Variants in CASR observed in about 807,000 individuals in gnomAD.
CASR encodes the protein extracellular calcium-sensing receptor.
Under a neutral mutation model 69.1 loss-of-function variants are expected in CASR, and 23 were observed. The observed-to-expected ratio is 0.33, with a 90% CI of 0.24 to 0.47. CASR has a LOEUF of 0.47. Ranked by LOEUF, CASR falls within the 20% of genes least tolerant of loss-of-function variation. CASR has a pLI of 1.00. For synonymous variants in CASR, 541 were observed against 544.7 expected, an observed-to-expected ratio of 0.99 and a Z score of 0.10; for missense variants, 924 against 1,356.1, an observed-to-expected ratio of 0.68 and a Z score of 5.00.
chr3:122,258,979 A>C (rs953177492), intron 3 of CASR, among the ~76,000 whole-genome samples: 1 of 152,060 alleles, frequency 6.6e-6, no homozygotes, highest in Non-Finnish European at 1.5e-5. Flanking sequence ...TATGCCAGCC[A>C]CGCCACCAAG....
At chr3:122,195,374 G>T (rs113703509) in intron 1 of CASR, among the ~76,000 whole-genome samples, 6 of 152,310 alleles carry the variant, frequency 3.9e-5, no homozygotes, top group African/African-American at 1.4e-4. Context: ...CAAAATTTCA[G>T]ATTGAATTAA....
intron 1 of CASR, among the ~76,000 whole-genome samples, chr3:122,187,656 TTGA>T (rs2073799408): frequency 6.6e-6 from 1 of 152,142 alleles, no homozygotes; most frequent in Non-Finnish European, 1.5e-5. Flanking sequence ...GAGGTAACGC[TTGA>T]GTTGAATCTT....
intron 1 of CASR, among the ~76,000 whole-genome samples, chr3:122,250,866 TA>T (rs1290659382): frequency 1.3e-5 from 2 of 152,198 alleles, no homozygotes; most frequent in African/African-American, 2.4e-5. Flanking sequence ...AGTGTTAAGG[TA>T]AATTCTGATC....
intron 1 of CASR, among the ~76,000 whole-genome samples, chr3:122,249,623 C>T (rs925344447): frequency 1.3e-5 from 2 of 152,224 alleles, no homozygotes; most frequent in Admixed American, 1.3e-4. Flanking sequence ...ATAAAACCAC[C>T]TGGTGCACGG....
intron 2 of CASR, among the ~76,000 whole-genome samples, chr3:122,255,362 T>A (rs963818126): frequency 5.8e-4 from 89 of 152,338 alleles, no homozygotes; most frequent in Middle Eastern, 3.4e-3. Flanking sequence ...CTCTTCCCAA[T>A]AGCTGGAAAA....
intron 1 of CASR, among the ~76,000 whole-genome samples, chr3:122,251,758 G>C (rs2074485958): frequency 1.3e-5 from 2 of 152,212 alleles, no homozygotes; most frequent in Admixed American, 6.5e-5. Context: ...TTTTCTATGA[G>C]TTTACTAGTT....
At position 122,289,905 on chromosome 3, in the gene CASR, C is replaced by T. The variant is rs2074996995; in HGVS notation, c.*4714C>T. 8.3e-6 allele frequency: 1 copy of T among 120,316 alleles called. No individual in the cohort carries two copies. Among genetic ancestry groups the T allele is most frequent in the Admixed American group, 9.8e-5 (1 of 10,212 alleles). 7.5% of individuals were successfully genotyped at this position (120,316 alleles called of 1,614,324 possible). On this transcript the variant is annotated 3_prime_UTR_variant, in exon 7 of 7. Transcript: ENST00000639785. ...CAGCCTGGGCAACATGGCAAAACCC[C>T]ATCTCTACAAACAATAAAAAAAAAA...
chr3:122,200,414 GAAACA>G (rs1222040842), intron 1 of CASR, among the ~76,000 whole-genome samples: 3 of 151,996 alleles, frequency 2.0e-5, no homozygotes, highest in African/African-American at 7.2e-5. Flanking sequence ...CCTTATACCA[GAAACA>G]GCTGTTTCTG....
chr3:122,184,970 C>T (rs565377001), intron 1 of CASR, among the ~76,000 whole-genome samples: 81 of 152,292 alleles, frequency 5.3e-4, no homozygotes, highest in African/African-American at 1.9e-3. Context: ...AGTGCCCCCA[C>T]AGGATTCCTG....
chr3:122,225,964 A>G (rs113862301), intron 1 of CASR, among the ~76,000 whole-genome samples: 24,908 of 152,226 alleles, frequency 0.16, 2,114 homozygotes, highest in South Asian at 0.18. Flanking sequence ...TAAGCAAACT[A>G]ATGCAGAAAC....
intron 4 of CASR, among the ~76,000 whole-genome samples, chr3:122,266,831 T>C (rs902052327): frequency 5.3e-4 from 81 of 152,098 alleles, no homozygotes; most frequent in Non-Finnish European, 1.0e-3. Flanking sequence ...GGTGAAACCC[T>C]GTCTCTACTA....
chr3:122,194,012 G>T (rs2073863956), intron 1 of CASR, among the ~76,000 whole-genome samples: 1 of 152,126 alleles, frequency 6.6e-6, no homozygotes, highest in Admixed American at 6.5e-5. Flanking sequence ...GTGGAAACTA[G>T]TCATCTTGGC....
Position 122,284,985 on chromosome 3 carries a change from G to C in CASR, c.3031G>C (p.Glu1011Gln), listed in dbSNP as rs1801726. ...AAGCAGCGATACGCTGACCCGACAC[G>C]AGCCATTACTCCCGCTGCAGTGCGG... ...QKSSDTLTRHEPLLPLQCGET... is the reference protein window; with the variant it reads ...QKSSDTLTRHQPLLPLQCGET... The change falls in exon 7 of 7, where the codon GAG (glutamate) becomes CAG (glutamine). Residue 1011 changes from glutamate to glutamine, a missense_variant. Transcript: ENST00000639785. 1,537,866 of 1,614,136 alleles carry C rather than the reference G, an allele frequency of 0.95. 733,487 individuals are homozygous for C. Among genetic ancestry groups the C allele is most frequent in the East Asian group, 0.98 (44,182 of 44,886 alleles).
intron 1 of CASR, among the ~76,000 whole-genome samples, chr3:122,227,601 G>T (rs1300392287): frequency 6.6e-6 from 1 of 152,154 alleles, no homozygotes; most frequent in Non-Finnish European, 1.5e-5. Flanking sequence ...CTCTAGCCTT[G>T]GCCAGCCCAG....
intron 1 of CASR, among the ~76,000 whole-genome samples, chr3:122,238,561 A>G (rs1383271290): frequency 6.6e-6 from 1 of 152,200 alleles, no homozygotes; most frequent in East Asian, 1.9e-4. Context: ...AGTGGACTAG[A>G]GCAGCAGGTG....
intron 4 of CASR, among the ~76,000 whole-genome samples, chr3:122,269,914 T>C (rs553696094): frequency 1.2e-4 from 18 of 152,278 alleles, no homozygotes; most frequent in African/African-American, 4.3e-4. Flanking sequence ...TGATCTTGGC[T>C]CACTGCAACC....
chr3:122,274,627 C>T (rs35780274), intron 4 of CASR, among the ~76,000 whole-genome samples: 53,030 of 152,030 alleles, frequency 0.35, 10,611 homozygotes, highest in Middle Eastern at 0.48. Flanking sequence ...AATGGCTGGG[C>T]GCAGTGGCTC....
At chr3:122,227,804 C>T (rs2074239592) in intron 1 of CASR, among the ~76,000 whole-genome samples, 1 of 152,212 alleles carries the variant, frequency 6.6e-6, no homozygotes, top group Admixed American at 6.5e-5. Context: ...GTGACAAGAT[C>T]ATTCATACAC....
At chr3:122,243,987 A>G (rs2074403295) in intron 1 of CASR, among the ~76,000 whole-genome samples, 1 of 152,164 alleles carries the variant, frequency 6.6e-6, no homozygotes, top group Admixed American at 6.5e-5. Flanking sequence ...AATTGAACTC[A>G]TGAACATTGA....
Sources: gnomAD v4.1 joint callset for allele counts (sites outside exome capture counted in the v4.1 genomes callset) on GRCh38, gnomAD v4.1.1 for gene constraint, MANE v1.5 for transcripts, NCBI Gene and HGNC (gene_info 2026-07-23, HGNC 2026-07-21) for gene names.